Variants in NTNG2 observed in about 807,000 individuals in gnomAD.
NTNG2 encodes the protein netrin-G2.
A neutral mutation model predicts 47.6 loss-of-function variants in NTNG2; 15 were observed. The observed-to-expected ratio is 0.32, with a 90% CI of 0.21 to 0.49. NTNG2 has a LOEUF of 0.49. Ranked by LOEUF, NTNG2 falls within the 20% of genes least tolerant of loss-of-function variation. NTNG2 has a pLI of 0.99. For missense variants in NTNG2, 578 were observed against 764.6 expected (o/e 0.76, Z 2.88); for synonymous variants, 307 against 324.6 (o/e 0.95, Z 0.58).
Position 132,208,344 on chromosome 9 carries a change from G to A in NTNG2, c.857+9735G>A, listed in dbSNP as rs868229187. On this transcript the variant is annotated intron_variant, in intron 3 of 7. Coordinates refer to ENST00000393229, the MANE Select transcript of NTNG2 (RefSeq NM_032536.4). This position sits in a 1 kb window ranked among gnomAD's most constrained non-coding sequence, Gnocchi z 4.0. ...AGAAGAGCAGGCAGGGCCAGATCAC[G>A]CCAGCCCTGCAGCCCCGGGAGGAAG... is the stretch of plus-strand genomic sequence containing the variant. 1.3e-5 allele frequency among the ~76,000 whole-genome samples: 2 copies of A among 152,180 alleles called. No homozygotes were observed. The highest frequency in any genetic ancestry group is 4.8e-5 in the African/African-American group (2 of 41,420).
At chr9:132,217,097 C>T (rs1234779325) in intron 3 of NTNG2, among the ~76,000 whole-genome samples, 1 of 152,230 alleles carries the variant, frequency 6.6e-6, no homozygotes, top group Non-Finnish European at 1.5e-5. Flanking sequence ...GCTTCTTCCA[C>T]CCACAGCCCT....
chr9:132,175,362 GAGGGCAATTGA>G (rs1836345536), intron 2 of NTNG2, among the ~76,000 whole-genome samples: 1 of 152,222 alleles, frequency 6.6e-6, no homozygotes, highest in South Asian at 2.1e-4. Context: ...AGAGGGGCAG[GAGGGCAATTGA>G]GGGGCAATTG....
At chr9:132,210,025 T>A (rs1457808990) in intron 3 of NTNG2, among the ~76,000 whole-genome samples, 1 of 151,834 alleles carries the variant, frequency 6.6e-6, no homozygotes, top group Non-Finnish European at 1.5e-5. Context: ...GCTGACTGAT[T>A]TCATATTTAG....
intron 2 of NTNG2, among the ~76,000 whole-genome samples, chr9:132,195,803 ATT>A (rs202098758): frequency 1.0e-4 from 15 of 150,638 alleles, no homozygotes; most frequent in Non-Finnish European, 3.0e-5. Flanking sequence ...TAATTTTTAA[ATT>A]TTTTTTTGTA....
At chr9:132,238,632 T>A (rs1841791812) in intron 5 of NTNG2, among the ~76,000 whole-genome samples, 1 of 152,244 alleles carries the variant, frequency 6.6e-6, no homozygotes, top group Non-Finnish European at 1.5e-5. Flanking sequence ...TTGCATCTTG[T>A]CCAGCGTCCA....
intron 2 of NTNG2, among the ~76,000 whole-genome samples, chr9:132,191,900 A>T (rs1837923350): frequency 6.6e-6 from 1 of 152,176 alleles, no homozygotes; most frequent in Non-Finnish European, 1.5e-5. Flanking sequence ...GAAAATCCCA[A>T]GACTCTTTTT....
rs1437509953 is a variant in NTNG2 at position 132,236,307 on chromosome 9, C to A, written c.1055-2797C>A. On this transcript the variant is annotated intron_variant, in intron 5 of 7. Transcript: ENST00000393229. The surrounding 1 kb of genome is among the most constrained non-coding windows in gnomAD (Gnocchi z 4.3). ...TGGGTTAAAGGAGGGAGGGCGGGGT[C>A]CTGGAAGACACTGACATCCTCCTGC... 1.3e-5 allele frequency among the ~76,000 whole-genome samples: 2 copies of A among 152,174 alleles called. No individual in the cohort carries two copies. The highest frequency in any genetic ancestry group is 4.8e-5 in the African/African-American group (2 of 41,450).
intron 2 of NTNG2, among the ~76,000 whole-genome samples, chr9:132,175,711 T>C (rs976009245): frequency 1.3e-5 from 2 of 152,152 alleles, no homozygotes; most frequent in African/African-American, 4.8e-5. Context: ...GAGCAGTGCA[T>C]AGGAGCAGAG....
intron 3 of NTNG2, among the ~76,000 whole-genome samples, chr9:132,207,155 C>T (rs374457521): frequency 1.3e-5 from 2 of 152,250 alleles, no homozygotes; most frequent in African/African-American, 2.4e-5. Context: ...CGAGCTTTCT[C>T]GCCATCATAT....
In NTNG2 at chr9:132,182,885, C is replaced by A. The variant is rs372031643; in HGVS notation, c.214-15081C>A. ...TTGCCTGGGAGCTTTTCATTCCCCCCCTGCCGCAGCTGCCCCCCAGACCAG... is the reference window on the plus strand; with the variant it reads ...TTGCCTGGGAGCTTTTCATTCCCCCACTGCCGCAGCTGCCCCCCAGACCAG... On this transcript the variant is annotated intron_variant, in intron 2 of 7. Coordinates refer to ENST00000393229, the MANE Select transcript of NTNG2 (RefSeq NM_032536.4). This position sits in a 1 kb window ranked among gnomAD's most constrained non-coding sequence, Gnocchi z 4.2. Among the ~76,000 whole-genome samples the A allele has an allele frequency of 3.3e-5, 5 of 152,260 alleles. No individual in the cohort carries two copies. The highest frequency in any genetic ancestry group is 4.1e-4 in the South Asian group (2 of 4,828).
intron 5 of NTNG2, 35 bp from the exon 6 acceptor site, chr9:132,239,069 T>C (rs761934627): frequency 2.5e-5 from 40 of 1,600,556 alleles, no homozygotes; most frequent in Non-Finnish European, 3.3e-5. Context: ...GAATGCTCGC[T>C]GACCATTGGT....
intron 2 of NTNG2, among the ~76,000 whole-genome samples, chr9:132,170,725 G>A (rs573591252): frequency 4.9e-4 from 74 of 152,178 alleles, no homozygotes; most frequent in African/African-American, 1.7e-3. Flanking sequence ...GAGAGAGAGA[G>A]AACTACTGCC....
At chr9:132,207,182 TG>T (rs1470902700) in intron 3 of NTNG2, among the ~76,000 whole-genome samples, 1 of 152,268 alleles carries the variant, frequency 6.6e-6, no homozygotes, top group Non-Finnish European at 1.5e-5. Context: ...ACTCAACAGA[TG>T]TTTTTTCTCA....
rs58804908 is a variant in NTNG2, at chr9:132,172,830, C to T, written c.213+5786C>T. 3.5e-4 allele frequency among the ~76,000 whole-genome samples: 52 copies of T among 149,738 alleles called. No homozygotes were observed. In the East Asian group the frequency reaches 9.7e-3, roughly 28 times the overall value. On this transcript the variant is annotated intron_variant, in intron 2 of 7. Transcript: ENST00000393229. ...CTGCAAGCTCTGCCTCCTGGGTTCA[C>T]GCCATTCTCCTGCCTCAGCCTCCCC...
intron 6 of NTNG2, among the ~76,000 whole-genome samples, chr9:132,240,053 C>T (rs967709609): frequency 4.6e-5 from 7 of 152,242 alleles, no homozygotes; most frequent in Non-Finnish European, 1.0e-4. Flanking sequence ...TTGCCCCTGT[C>T]GTCAGTAGAG....
chr9:132,233,733 G>T (rs930697491), intron 5 of NTNG2: 4 of 152,198 alleles, frequency 2.6e-5, no homozygotes, highest in Non-Finnish European at 5.9e-5. Context: ...CCTGGGCTGT[G>T]CTCGTATCAT....
At chr9:132,217,281 G>T (rs1840057718) in intron 3 of NTNG2, among the ~76,000 whole-genome samples, 1 of 152,192 alleles carries the variant, frequency 6.6e-6, no homozygotes, top group South Asian at 2.1e-4. Context: ...TCTCCCGAGG[G>T]CCTTCCAGAA....
intron 3 of NTNG2, among the ~76,000 whole-genome samples, chr9:132,202,497 C>T (rs1040703669): frequency 1.3e-5 from 2 of 152,200 alleles, no homozygotes; most frequent in Admixed American, 6.5e-5. Flanking sequence ...GCCTGCTCCA[C>T]GTGCCCATTC....
At chr9:132,202,840 C>T (rs145932301) in intron 3 of NTNG2, among the ~76,000 whole-genome samples, 4 of 152,008 alleles carry the variant, frequency 2.6e-5, no homozygotes, top group African/African-American at 7.2e-5. Flanking sequence ...CTTTGCAAAG[C>T]TCCTCAAGTG....
Sources: gnomAD v4.1 joint callset for allele counts (sites outside exome capture counted in the v4.1 genomes callset) on GRCh38, gnomAD v4.1.1 for gene constraint, Gnocchi (gnomAD v3.1) non-coding constraint, MANE v1.5 for transcripts, NCBI Gene and HGNC (gene_info 2026-07-23, HGNC 2026-07-21) for gene names.